Variants in SNX10 observed in about 807,000 individuals in gnomAD.
SNX10 encodes the protein sorting nexin-10.
SNX10 carries 25 observed loss-of-function variants against 28.5 expected under a neutral mutation model. The observed-to-expected ratio is 0.88, with a 90% confidence interval of 0.64 to 1.22. The LOEUF is 1.22. Ranked by LOEUF, SNX10 falls within the 50% of genes most tolerant of loss-of-function variation. The pLI, the probability that SNX10 is intolerant of heterozygous loss-of-function variation, is 0.00. For synonymous variants in SNX10, 62 were observed against 81.4 expected (o/e 0.76, Z 1.28); for missense variants, 223 against 242.6 (o/e 0.92, Z 0.54).
chr7:26,302,660 T>C (rs1001847979), intron 1 of SNX10, among the ~76,000 whole-genome samples: 3 of 152,184 alleles, frequency 2.0e-5, no homozygotes, highest in Admixed American at 2.0e-4. Context: ...GCACCCTCGG[T>C]TTCTGGTACT....
At chr7:26,337,614 G>A (rs4506105) in intron 1 of SNX10, among the ~76,000 whole-genome samples, 59,613 of 152,032 alleles carry the variant, frequency 0.39, 12,682 homozygotes, top group South Asian at 0.57. Flanking sequence ...CTTAAGGTTC[G>A]TCCTCTTTTG....
chr7:26,343,049 C>T (rs530289812), intron 1 of SNX10, among the ~76,000 whole-genome samples: 2 of 152,180 alleles, frequency 1.3e-5, no homozygotes, highest in South Asian at 4.2e-4. Context: ...AGTGATCTGC[C>T]CGCCTCAACC....
chr7:26,357,048 G>C, intron 2 of SNX10: 1 of 1,219,608 alleles, frequency 8.2e-7, no homozygotes, highest in Non-Finnish European at 1.1e-6. Context: ...GAAGGCATTG[G>C]ATGTATGAGG....
In SNX10 at chr7:26,372,901, A is replaced by G. The variant is rs535098195; in HGVS notation, c.*329A>G. The G allele has an allele frequency of 2.3e-4, 54 of 232,572 alleles. No homozygotes were observed. Among genetic ancestry groups the G allele is most frequent in the African/African-American group, 1.1e-3 (49 of 43,546 alleles). 14.4% of individuals were successfully genotyped at this position (232,572 alleles called of 1,614,324 possible). On this transcript the variant is annotated 3_prime_UTR_variant, in exon 7 of 7. Coordinates refer to ENST00000338523, the MANE Select transcript of SNX10 (RefSeq NM_013322.3). Reference sequence around the variant, plus strand: ...TTGAATTTAAAAAGATAGGTAACTAAGTAGCATTTAAAATCAAGATAGAGC... The same window carrying G: ...TTGAATTTAAAAAGATAGGTAACTAGGTAGCATTTAAAATCAAGATAGAGC...
intron 2 of SNX10, among the ~76,000 whole-genome samples, chr7:26,349,684 T>C (rs1180225692): frequency 6.6e-6 from 1 of 152,172 alleles, no homozygotes; most frequent in African/African-American, 2.4e-5. Flanking sequence ...AACTCTTCTG[T>C]TTAATGAGAC....
chr7:26,335,732 A>ATTTTTTTTTTTTTT (rs1554355773), intron 1 of SNX10, among the ~76,000 whole-genome samples: 1 of 112,442 alleles, frequency 8.9e-6, no homozygotes, highest in Non-Finnish European at 1.9e-5. Flanking sequence ...CAGATGGAAT[A>ATTTTTTTTTTTTTT]TTCTTTTTTT....
rs767247872 is a variant in SNX10, at chr7:26,360,992, G to C, written c.42G>C (p.Trp14Cys). ...EQQKEEFVSV[W>C]VRDPRIQKED... is the part of the protein sequence containing the mutation. ...CATTACAGGAATTTGTAAGTGTCTG[G>C]GTTCGAGATCCTAGGATTCAGAAGG... is the stretch of plus-strand genomic sequence containing the variant. Residue 14 changes from tryptophan to cysteine, a missense_variant, in exon 3 of 7, where the codon TGG becomes TGC. Trp to Cys is a radical substitution (Grantham distance 215, BLOSUM62 -2). Transcript: ENST00000338523. The C allele has an allele frequency of 6.8e-6, 11 of 1,613,070 alleles. No individual in the cohort carries two copies. Among genetic ancestry groups the C allele is most frequent in the Non-Finnish European group, 9.3e-6 (11 of 1,179,664 alleles).
At chr7:26,304,409 T>A (rs1275254104) in intron 1 of SNX10, among the ~76,000 whole-genome samples, 1 of 152,226 alleles carries the variant, frequency 6.6e-6, no homozygotes, top group East Asian at 1.9e-4. Context: ...TTCCACTTTG[T>A]TCCCCTCCGA....
intron 5 of SNX10, among the ~76,000 whole-genome samples, chr7:26,369,296 T>C (rs1231533210): frequency 1.3e-5 from 2 of 152,108 alleles, no homozygotes; most frequent in African/African-American, 4.8e-5. Context: ...TTGTGGAAAA[T>C]ATGGCACAAA....
chr7:26,335,836 C>A (rs1329971448), intron 1 of SNX10, among the ~76,000 whole-genome samples: 2 of 144,778 alleles, frequency 1.4e-5, no homozygotes, highest in Non-Finnish European at 3.0e-5. Flanking sequence ...CTCCGCCTTC[C>A]GGGTTCACGC....
At chr7:26,340,231 A>T (rs1788129763) in intron 1 of SNX10, among the ~76,000 whole-genome samples, 1 of 152,174 alleles carries the variant, frequency 6.6e-6, no homozygotes, top group African/African-American at 2.4e-5. Context: ...ATATATAAGT[A>T]CTGAAGGCAC....
chr7:26,325,242 A>G (rs564011495), intron 1 of SNX10, among the ~76,000 whole-genome samples: 114 of 145,960 alleles, frequency 7.8e-4, no homozygotes, highest in Middle Eastern at 3.6e-3. Flanking sequence ...TCCCAAAGCA[A>G]TGTTACAGTT....
intron 1 of SNX10, among the ~76,000 whole-genome samples, chr7:26,309,897 C>A (rs1786754064): frequency 1.3e-5 from 2 of 152,180 alleles, no homozygotes; most frequent in Non-Finnish European, 2.9e-5. Flanking sequence ...TGATACCTGG[C>A]CTCTGGGGCC....
chr7:26,351,687 C>G (rs1483921615), intron 2 of SNX10, among the ~76,000 whole-genome samples: 1 of 125,262 alleles, frequency 8.0e-6, no homozygotes, highest in Non-Finnish European at 1.6e-5. Flanking sequence ...GACCGAGTCT[C>G]TCTCTGTCGC....
At chr7:26,294,312 C>A (rs545463468) in intron 1 of SNX10, among the ~76,000 whole-genome samples, 94 of 152,246 alleles carry the variant, frequency 6.2e-4, no homozygotes, top group Non-Finnish European at 1.1e-3. Flanking sequence ...GATTCCAGAC[C>A]CATCTGAGTT....
intron 1 of SNX10, among the ~76,000 whole-genome samples, chr7:26,343,882 C>T (rs1487237176): frequency 6.6e-6 from 1 of 152,174 alleles, no homozygotes; most frequent in Non-Finnish European, 1.5e-5. Context: ...TCACACCATC[C>T]TTTAGGCCTC....
At chr7:26,329,220 C>G (rs1478444926) in intron 1 of SNX10, among the ~76,000 whole-genome samples, 2 of 152,240 alleles carry the variant, frequency 1.3e-5, no homozygotes, top group Admixed American at 6.5e-5. Flanking sequence ...TCCCTCATCC[C>G]CCATACTCCA....
intron 5 of SNX10, among the ~76,000 whole-genome samples, chr7:26,368,907 G>C (rs1789398835): frequency 6.6e-6 from 1 of 151,940 alleles, no homozygotes; most frequent in Admixed American, 6.6e-5. Flanking sequence ...GGGTTCAGCA[G>C]ACCCAGGACA....
chr7:26,330,691 T>C (rs1455219657), intron 1 of SNX10, among the ~76,000 whole-genome samples: 3 of 151,842 alleles, frequency 2.0e-5, no homozygotes, highest in African/African-American at 4.8e-5. Flanking sequence ...TTGTGGCTCA[T>C]AGGAGGAGGG....
Sources: gnomAD v4.1 joint callset for allele counts (sites outside exome capture counted in the v4.1 genomes callset) on GRCh38, gnomAD v4.1.1 for gene constraint, MANE v1.5 for transcripts, NCBI Gene and HGNC (gene_info 2026-07-23, HGNC 2026-07-21) for gene names.